Variants in SH3RF2 observed in about 807,000 individuals in gnomAD.
SH3RF2 encodes the protein SH3 domain containing ring finger 2, also known as E3 ubiquitin-protein ligase SH3RF2.
Under a neutral mutation model 59.0 loss-of-function variants are expected in SH3RF2, and 43 were observed. The ratio of observed to expected loss-of-function variants is 0.73; its 90% confidence interval spans 0.57 to 0.94. The LOEUF (loss-of-function observed/expected upper bound fraction) is 0.94. Among genes scored for constraint, SH3RF2 ranks in the 40% least tolerant of loss-of-function variants. SH3RF2 has a pLI of 0.00. For synonymous variants in SH3RF2, 391 were observed against 391.5 expected, an observed-to-expected ratio of 1.00 and a Z score of 0.01; for missense variants, 930 against 940.1, an observed-to-expected ratio of 0.99 and a Z score of 0.14.
At chr5:146,042,230 C>T (rs1233527231) in intron 5 of SH3RF2, among the ~76,000 whole-genome samples, 1 of 152,172 alleles carries the variant, frequency 6.6e-6, no homozygotes, top group Non-Finnish European at 1.5e-5. Flanking sequence ...TACAGACACT[C>T]TTCCCCATGC....
At chr5:145,943,893 T>A (rs1757912989) in intron 2 of SH3RF2, among the ~76,000 whole-genome samples, 1 of 152,172 alleles carries the variant, frequency 6.6e-6, no homozygotes, top group African/African-American at 2.4e-5. Context: ...GATTAGCCAA[T>A]ATATATTTTT....
chr5:145,936,921 G>C (rs569712714), intron 1 of SH3RF2: 5 of 152,352 alleles, frequency 3.3e-5, no homozygotes, highest in African/African-American at 1.2e-4. Flanking sequence ...TAAACTGGAG[G>C]CTTCTTTTCA....
At chr5:146,068,769 C>T (rs574976875) in intron 9 of SH3RF2, among the ~76,000 whole-genome samples, 8 of 152,252 alleles carry the variant, frequency 5.3e-5, no homozygotes, top group Non-Finnish European at 1.0e-4. Context: ...TAGAAGGCAG[C>T]GAGGTGGGAT....
rs180924873 is a variant in SH3RF2, at chr5:145,996,189, A to G, written c.379-3869A>G. 9.0e-3 allele frequency among the ~76,000 whole-genome samples: 1,376 copies of G among 152,330 alleles called. 10 individuals carry two copies. Among genetic ancestry groups the G allele is most frequent in the Non-Finnish European group, 0.015 (1,050 of 68,024 alleles). Reference sequence around the variant, plus strand: ...CTCGGAATTCTTCTTTCAAATGATCATTGCGGATTCAGGAGATCCATGAAG... The same window carrying G: ...CTCGGAATTCTTCTTTCAAATGATCGTTGCGGATTCAGGAGATCCATGAAG... On this transcript the variant is annotated intron_variant, in intron 2 of 9. Coordinates refer to ENST00000359120, the MANE Select transcript of SH3RF2 (RefSeq NM_152550.4).
Position 145,937,859 on chromosome 5 carries a change from C to T in SH3RF2, c.-70C>T, listed in dbSNP as rs1010652000. On this transcript the variant is annotated 5_prime_UTR_variant, in exon 2 of 10. Coordinates refer to ENST00000359120, the MANE Select transcript of SH3RF2 (RefSeq NM_152550.4). ...GACGTTCTCAAGAGACCAGCTCTGC[C>T]CCCGTGGCTCAACTGACCCTACCAT... 1.0e-5 allele frequency: 16 copies of T among 1,532,732 alleles called. No individual in the cohort carries two copies. The highest frequency in any genetic ancestry group is 2.8e-5 in the African/African-American group (2 of 72,462). The allele number at this position is 1,532,732 out of a possible 1,614,324, so 94.9% of individuals were successfully genotyped here. A position where few individuals can be genotyped will look rare whatever the true frequency, so the allele number is the denominator to read the frequency against.
rs528667992 is a variant in SH3RF2, at chr5:146,062,466, C to T, written c.1955C>T (p.Pro652Leu). The change falls in exon 10 of 10, where the codon CCC (proline) becomes CTC (leucine). Residue 652 changes from proline to leucine, a missense_variant. Pro to Leu is a moderately conservative substitution (Grantham distance 98). Coordinates refer to ENST00000359120, the MANE Select transcript of SH3RF2 (RefSeq NM_152550.4). ...TVRFQNYSPP[P>L]TKHYTSHPTS... ...AGATTTCAGAATTACAGCCCTCCTC[C>T]CACCAAACATTACACCTCCCATCCC... 2 of 1,614,212 alleles carry T rather than the reference C, an allele frequency of 1.2e-6. No individual in the cohort carries two copies. Among genetic ancestry groups the T allele is most frequent in the South Asian group, 2.2e-5 (2 of 91,088 alleles).
At chr5:146,004,225 G>T in intron 4 of SH3RF2, 72 bp downstream of exon 4, 1 of 1,229,396 alleles carries the variant, frequency 8.1e-7, no homozygotes, top group South Asian at 1.4e-5. Flanking sequence ...TGATGCCTGA[G>T]AGCAATTCCT....
In SH3RF2 at chr5:145,959,353, A is replaced by G. The variant is rs901693089; in HGVS notation, c.378+21047A>G. The stretch of plus-strand genomic sequence containing the variant: ...CATCTGTGTTTGCCAGAACTCTTTT[A>G]GTTGCAAGTGACAGAAACCACCTCA... On this transcript the variant is annotated intron_variant, in intron 2 of 9. Coordinates refer to ENST00000359120, the MANE Select transcript of SH3RF2 (RefSeq NM_152550.4). Among the ~76,000 whole-genome samples, 27 of 152,164 alleles carry G rather than the reference A, an allele frequency of 1.8e-4. 1 individual carries two copies. The highest frequency in any genetic ancestry group is 3.1e-4 in the Non-Finnish European group (21 of 68,032).
intron 5 of SH3RF2, among the ~76,000 whole-genome samples, chr5:146,046,947 G>A (rs966466295): frequency 1.3e-5 from 2 of 152,036 alleles, no homozygotes; most frequent in African/African-American, 2.4e-5. Context: ...TAAAAGAGAT[G>A]GGATCTTACT....
At position 145,998,640 on chromosome 5, in the gene SH3RF2, G is replaced by C. The variant is rs1373288576; in HGVS notation, c.379-1418G>C. Among the ~76,000 whole-genome samples, 4 of 152,264 alleles carry C rather than the reference G, an allele frequency of 2.6e-5. No homozygotes were observed. In the East Asian group the frequency reaches 7.7e-4, roughly 29 times the overall value. On this transcript the variant is annotated intron_variant, in intron 2 of 9. Transcript: ENST00000359120. ...TGCATATAAAAGTTGTATTTGGCTG[G>C]GCATGGTGGCTCACGCCTGTAATGC...
At chr5:146,081,683 C>A (rs1016057663) in exon 10 of SH3RF2, 2 of 152,114 alleles carry the variant, frequency 1.3e-5, no homozygotes, top group African/African-American at 2.4e-5. Flanking sequence ...GCCTTCTTTG[C>A]CAAAAATATG....
At chr5:146,073,783 A>G (rs1294199701) in intron 9 of SH3RF2, among the ~76,000 whole-genome samples, 1 of 152,168 alleles carries the variant, frequency 6.6e-6, no homozygotes, top group East Asian at 1.9e-4. Flanking sequence ...AGTGGAGTAA[A>G]TGGCAAAGAA....
chr5:146,070,978 C>G (rs140025478), intron 9 of SH3RF2, among the ~76,000 whole-genome samples: 1 of 152,114 alleles, frequency 6.6e-6, no homozygotes, highest in Non-Finnish European at 1.5e-5. Context: ...CATGACCGAC[C>G]GACTTAATGA....
chr5:145,983,092 G>A (rs80156574), intron 2 of SH3RF2, among the ~76,000 whole-genome samples: 1 of 152,132 alleles, frequency 6.6e-6, no homozygotes, highest in Non-Finnish European at 1.5e-5. Context: ...GTGTGAATTA[G>A]AGAGCTATGT....
intron 8 of SH3RF2, among the ~76,000 whole-genome samples, chr5:146,059,002 T>G (rs889965366): frequency 6.6e-6 from 1 of 152,198 alleles, no homozygotes; most frequent in African/African-American, 2.4e-5. Flanking sequence ...CATGCGGCAT[T>G]TATCATATTC....
chr5:145,977,042 G>T lies in SH3RF2; in HGVS notation c.379-23016G>T, dbSNP rs971387805. 9.2e-5 allele frequency among the ~76,000 whole-genome samples: 14 copies of T among 152,350 alleles called. No homozygotes were observed. In the East Asian group the frequency reaches 1.9e-3, roughly 21 times the overall value. On this transcript the variant is annotated intron_variant, in intron 2 of 9. Coordinates refer to ENST00000359120, the MANE Select transcript of SH3RF2 (RefSeq NM_152550.4). ...CACTCATGTGCTCATGCCAGCTCAT[G>T]ACCTCAGCCAGTCCACACCTTCATC...
At chr5:146,010,744 A>C (rs1007210316) in intron 4 of SH3RF2, among the ~76,000 whole-genome samples, 2 of 151,848 alleles carry the variant, frequency 1.3e-5, no homozygotes, top group African/African-American at 4.8e-5. Flanking sequence ...TTTTCTTGTA[A>C]ATTTGTTTGA....
chr5:145,966,668 A>C (rs116551207), intron 2 of SH3RF2, among the ~76,000 whole-genome samples: 1,773 of 152,282 alleles, frequency 0.012, 35 homozygotes, highest in African/African-American at 0.041. Flanking sequence ...GAACAATCCA[A>C]ATTTTGTGGG....
intron 3 of SH3RF2, among the ~76,000 whole-genome samples, chr5:146,000,929 T>C (rs540636801): frequency 1.3e-4 from 20 of 152,348 alleles, no homozygotes; most frequent in African/African-American, 4.8e-4. Context: ...TCTACCTCTT[T>C]ATCATGTATG....
Sources: allele counts gnomAD v4.1 joint callset (sites outside exome capture counted in the v4.1 genomes callset), GRCh38; gene constraint gnomAD v4.1.1; transcripts MANE v1.5; gene names NCBI Gene and HGNC (gene_info 2026-07-23, HGNC 2026-07-21).